EIF4G2: variants seen among roughly 807,000 people sequenced by gnomAD.
EIF4G2 encodes the protein eukaryotic translation initiation factor 4 gamma 2, also known as DAP-5.
In EIF4G2, 8 loss-of-function variants were observed where a neutral mutation model predicts 117.7. The observed-to-expected ratio is 0.07, with a 90% CI of 0.04 to 0.12. The LOEUF (loss-of-function observed/expected upper bound fraction) is 0.12, where lower values mean the gene tolerates loss of function less well. Ranked by LOEUF, EIF4G2 falls within the 10% of genes least tolerant of loss-of-function variation. The pLI is 1.00. For synonymous variants in EIF4G2, 413 were observed against 367.8 expected (o/e 1.12, Z -1.41); for missense variants, 812 against 1,086.2 (o/e 0.75, Z 3.55).
rs1847380088 is a variant in EIF4G2 at position 10,800,263 on chromosome 11, C to T, written c.1946G>A (p.Arg649His). Residue 649 changes from arginine (R) to histidine (H), a missense_variant, in exon 18 of 22, where the codon CGT becomes CAT. Physicochemically the swap from Arg to His is conservative, Grantham distance 29 (BLOSUM62 0). Around this residue, in one of 4 missense-constraint regions of EIF4G2, gnomAD observed 571 missense variants for 642.3 expected, o/e 0.89. Coordinates refer to ENST00000339995, the MANE Select transcript of EIF4G2 (RefSeq NM_001418.4). ...GCTCACCAGCTCTGAAATGATGGCA[C>T]GAGCTGCAAACTGTGCTAAATAGGA... 1.9e-6 allele frequency: 3 copies of T among 1,614,158 alleles called. No homozygotes were observed. Among genetic ancestry groups the T allele is most frequent in the Non-Finnish European group, 2.5e-6 (3 of 1,180,030 alleles).
intron 18 of EIF4G2, 150 bp from the exon 19 acceptor site, chr11:10,799,906 C>T: frequency 8.6e-7 from 1 of 1,160,332 alleles, no homozygotes; most frequent in African/African-American, 1.6e-5. Context: ...AAAAACTCAA[C>T]ATACGGATCA....
At chr11:10,808,381 C>T (rs918483245) in intron 1 of EIF4G2, 3 of 1,233,422 alleles carry the variant, frequency 2.4e-6, no homozygotes, top group Admixed American at 2.8e-5. Flanking sequence ...ACGGCGCTAG[C>T]GGTCCGAGCC....
In EIF4G2 at chr11:10,804,039, G is replaced by A. The variant is rs555626373; in HGVS notation, c.562C>T (p.Arg188Cys). 37 of 1,613,838 alleles carry A rather than the reference G, an allele frequency of 2.3e-5. No homozygotes were observed. In the South Asian group the frequency reaches 3.3e-4, roughly 14 times the overall value. The change falls in exon 8 of 22, where the codon CGT (arginine) becomes TGT (cysteine). Residue 188 changes from arginine to cysteine, a missense_variant. This residue lies in a region of EIF4G2 where 154 missense variants were observed against 322.1 expected (regional missense o/e 0.48). Transcript: ENST00000339995. ...TCCTCGGGGAGGAGGGGATTTTCAC[G>A]CTTATCATAGACTGAAAAAGATACC...
At chr11:10,805,060 A>G (rs765308683) in intron 4 of EIF4G2, 45 bp from the exon 5 acceptor site, 1 of 1,459,556 alleles carries the variant, frequency 6.9e-7, no homozygotes, top group East Asian at 2.3e-5. Flanking sequence ...TAATACACAG[A>G]ATTTGAATTG....
intron 4 of EIF4G2, among the ~76,000 whole-genome samples, chr11:10,805,691 G>C (rs1013388077): frequency 3.3e-5 from 5 of 152,166 alleles, no homozygotes; most frequent in Admixed American, 2.0e-4. Context: ...GACCTCAAGT[G>C]ATCTGCCCAC....
At position 10,799,116 on chromosome 11, in the gene EIF4G2, T is replaced by TAAAAA. The variant is rs372541323; in HGVS notation, c.2537-8_2537-4dup. On this transcript the variant is annotated splice_polypyrimidine_tract_variant and splice_region_variant and intron_variant, in intron 20 of 21. Coordinates refer to ENST00000339995, the MANE Select transcript of EIF4G2 (RefSeq NM_001418.4). ...CACAAAAAAGCGAAGTAACATGCCT[T>TAAAAA]AAAAAAAAAAAAAAAAAGAAAAAAG... 9.5e-6 allele frequency: 14 copies of TAAAAA among 1,468,464 alleles called. No homozygotes were observed. The highest frequency in any genetic ancestry group is 5.2e-5 in the South Asian group (4 of 76,452). 91.0% of individuals were successfully genotyped at this position (1,468,464 alleles called of 1,614,324 possible). A position where few individuals can be genotyped will look rare whatever the true frequency, so the allele number is the denominator to read the frequency against.
At chr11:10,806,638 C>T in intron 3 of EIF4G2, 182 bp downstream of exon 3, 1 of 593,670 alleles carries the variant, frequency 1.7e-6, no homozygotes, top group Non-Finnish European at 2.9e-6. Flanking sequence ...AGTCTCAACT[C>T]ACTTAGAAAA....
In EIF4G2 at chr11:10,797,811, G is replaced by A. The variant is rs1412228751; in HGVS notation, c.*5C>T. The A allele has an allele frequency of 6.2e-7, 1 of 1,613,918 alleles. No homozygotes were observed. Among genetic ancestry groups the A allele is most frequent in the Admixed American group, 1.7e-5 (1 of 60,028 alleles). On this transcript the variant is annotated 3_prime_UTR_variant, in exon 22 of 22. Transcript: ENST00000339995. The surrounding 1 kb of genome is among the most constrained non-coding windows in gnomAD (Gnocchi z 4.5). ...TTTGCACAATTTAAGGCTTTGGCTG[G>A]TTCTTTAGTCAGCTTCTTCCTCTGA... is the stretch of plus-strand genomic sequence containing the variant.
intron 3 of EIF4G2, 65 bp downstream of exon 3, chr11:10,806,755 G>C: frequency 6.4e-7 from 1 of 1,567,888 alleles, no homozygotes; most frequent in Non-Finnish European, 8.8e-7. Flanking sequence ...TAATTATACC[G>C]TCACATGGGA....
At position 10,808,236 on chromosome 11, in the gene EIF4G2, C is replaced by T; in HGVS notation, c.-87+469G>A. 3 of 1,147,346 alleles carry T rather than the reference C, an allele frequency of 2.6e-6. No individual in the cohort carries two copies. The South Asian group carries it at 5.0e-5, about 19-fold the overall frequency. 71.1% of individuals were successfully genotyped at this position (1,147,346 alleles called of 1,614,324 possible). A position where few individuals can be genotyped will look rare whatever the true frequency, so the allele number is the denominator to read the frequency against. ...GAAATCATCACTCTCTCTTTCCTCC[C>T]CGACGAAGGGCAGCCCCTGCCGACT... On this transcript the variant is annotated intron_variant, in intron 1 of 21. Transcript: ENST00000339995.
At position 10,797,964 on chromosome 11, in the gene EIF4G2, T is replaced by C; in HGVS notation, c.2659-83A>G. 8.1e-7 allele frequency: 1 copy of C among 1,231,760 alleles called. No homozygotes were observed. Among genetic ancestry groups the C allele is most frequent in the Non-Finnish European group, 1.2e-6 (1 of 849,500 alleles). 76.3% of individuals were successfully genotyped at this position (1,231,760 alleles called of 1,614,324 possible). On this transcript the variant is annotated intron_variant, in intron 21 of 21. Transcript: ENST00000339995. This position sits in a 1 kb window ranked among gnomAD's most constrained non-coding sequence, Gnocchi z 4.5. ...AAAAGTTTTAGGTGGTACTACACAGTTTTAGAATATGAAACAAGGATATCC... is the reference window on the plus strand; with the variant it reads ...AAAAGTTTTAGGTGGTACTACACAGCTTTAGAATATGAAACAAGGATATCC...
At chr11:10,807,446 A>G in intron 1 of EIF4G2, 65 bp from the exon 2 acceptor site, 3 of 1,456,780 alleles carry the variant, frequency 2.1e-6, no homozygotes, top group Middle Eastern at 1.9e-4. Flanking sequence ...CCTTCATTCA[A>G]TTACAACGTA....
chr11:10,800,317 T>G lies in EIF4G2; in HGVS notation c.1892A>C (p.Lys631Thr), dbSNP rs1261334933. The change falls in exon 18 of 22, where the codon AAA (lysine) becomes ACA (threonine). Residue 631 changes from lysine to threonine, a missense_variant. Lys to Thr is a moderately conservative substitution (Grantham distance 78). Around this residue, in one of 4 missense-constraint regions of EIF4G2, gnomAD observed 571 missense variants for 642.3 expected, o/e 0.89. Coordinates refer to ENST00000339995, the MANE Select transcript of EIF4G2 (RefSeq NM_001418.4). ...CACCAAAGGGATGTCAACCTCCAGTTTGGGACACTGGTCCAATACATTCAG... is the reference window on the plus strand; with the variant it reads ...CACCAAAGGGATGTCAACCTCCAGTGTGGGACACTGGTCCAATACATTCAG... 1 of 1,614,170 alleles carries G rather than the reference T, an allele frequency of 6.2e-7. No homozygotes were observed. Among genetic ancestry groups the G allele is most frequent in the Admixed American group, 1.7e-5 (1 of 60,026 alleles).
rs200629956 is a variant in EIF4G2 at position 10,799,430 on chromosome 11, CAG to C, written c.2325-8_2325-7del. ...TAGAAATGTACTGTAAGAAGCTGGA[CAG>C]AAAGAGGTCTTGTTAGAACCCAACA... is the stretch of plus-strand genomic sequence containing the variant. On this transcript the variant is annotated splice_polypyrimidine_tract_variant and splice_region_variant and intron_variant, in intron 19 of 21. Coordinates refer to ENST00000339995, the MANE Select transcript of EIF4G2 (RefSeq NM_001418.4). The C allele has an allele frequency of 0.029, 46,381 of 1,611,674 alleles. 716 individuals carry two copies. The highest frequency in any genetic ancestry group is 0.04 in the Middle Eastern group (240 of 6,062).
chr11:10,806,409 T>C (rs1847570156), intron 3 of EIF4G2: 1 of 326,012 alleles, frequency 3.1e-6, no homozygotes, highest in African/African-American at 2.1e-5. Context: ...ACTCTTGGGT[T>C]CAAGCGACCC....
intron 4 of EIF4G2, 61 bp downstream of exon 4, chr11:10,805,846 C>T: frequency 6.2e-7 from 1 of 1,610,866 alleles, no homozygotes; most frequent in South Asian, 1.1e-5. Context: ...ATACAGCACA[C>T]ACACCAAACA....
rs969001549 is a variant in EIF4G2 at position 10,808,589 on chromosome 11, G to C, written c.-87+116C>G. 29 of 878,950 alleles carry C rather than the reference G, an allele frequency of 3.3e-5. No individual in the cohort carries two copies. The African/African-American group carries it at 5.4e-4, about 16-fold the overall frequency. The allele number at this position is 878,950 out of a possible 1,614,324, so 54.4% of individuals were successfully genotyped here. ...AAGCGCAGAGGAAATGCTAAAAAAG[G>C]GTCGCCCCACCCGGCTCCGCCTGCG... On this transcript the variant is annotated intron_variant, in intron 1 of 21. Transcript: ENST00000339995.
intron 2 of EIF4G2, 169 bp downstream of exon 2, chr11:10,807,086 A>G: frequency 1.7e-6 from 2 of 1,201,636 alleles, no homozygotes; most frequent in Non-Finnish European, 2.3e-6. Flanking sequence ...AAGGCAAATA[A>G]TTGATTTTAT....
At position 10,805,103 on chromosome 11, in the gene EIF4G2, T is replaced by G. The variant is rs546687299; in HGVS notation, c.249-88A>C. On this transcript the variant is annotated intron_variant, in intron 4 of 21. Transcript: ENST00000339995. ...GCTTTTAAATTATACTGATTTTTCT[T>G]CTAACTTGCTCCCTTTAAAAAATCA... 452 of 1,019,730 alleles carry G rather than the reference T, an allele frequency of 4.4e-4. 1 individual carries two copies. The highest frequency in any genetic ancestry group is 1.9e-3 in the East Asian group (74 of 39,404). The allele number at this position is 1,019,730 out of a possible 1,614,324, so 63.2% of individuals were successfully genotyped here.
Sources: gnomAD v4.1 joint callset for allele counts (sites outside exome capture counted in the v4.1 genomes callset) on GRCh38, gnomAD v4.1.1 for gene constraint, gnomAD v4.1.1 regional missense constraint, Gnocchi (gnomAD v3.1) non-coding constraint, MANE v1.5 for transcripts, NCBI Gene and HGNC (gene_info 2026-07-23, HGNC 2026-07-21) for gene names.